GNAS: variants seen among roughly 807,000 people sequenced by gnomAD.
GNAS encodes the protein GNAS complex locus.
GNAS carries 8 observed loss-of-function variants against 54.5 expected under a neutral mutation model. The ratio of observed to expected loss-of-function variants is 0.15; its 90% CI spans 0.09 to 0.26. GNAS has a LOEUF of 0.26. GNAS is among the 10% of genes least tolerant of loss of function. The probability of loss-of-function intolerance (pLI) is 1.00; values close to 1 mark genes in which losing one functional copy is unlikely to be tolerated. For missense variants in GNAS, 170 were observed against 529.8 expected, an observed-to-expected ratio of 0.32 and a Z score of 6.67; for synonymous variants, 204 against 191.4, an observed-to-expected ratio of 1.07 and a Z score of -0.54.
chr20:58,841,243 C>A lies in GNAS; in HGVS notation c.43+357C>A. 1 of 931,360 alleles carries A rather than the reference C, an allele frequency of 1.1e-6. No individual in the cohort carries two copies. Among genetic ancestry groups the A allele is most frequent in the Non-Finnish European group, 1.4e-6 (1 of 739,414 alleles). 57.7% of individuals were successfully genotyped at this position (931,360 alleles called of 1,614,324 possible). ...ATTGGTAAGTCACTTGTTTTGCGCGCTTTTCTTCCTCCTAGAAAGACTAGT... is the reference window on the plus strand; with the variant it reads ...ATTGGTAAGTCACTTGTTTTGCGCGATTTTCTTCCTCCTAGAAAGACTAGT... On this transcript the variant is annotated intron_variant, in intron 1 of 12. Transcript: ENST00000306090. The surrounding 1 kb of genome is among the most constrained non-coding windows in gnomAD (Gnocchi z 5.0).
At chr20:58,844,444 T>C (rs1255730523) in intron 1 of GNAS, among the ~76,000 whole-genome samples, 2 of 152,282 alleles carry the variant, frequency 1.3e-5, no homozygotes, top group East Asian at 3.9e-4. Flanking sequence ...CTCTATTTCC[T>C]ATAACTTGAT....
intron 1 of GNAS, among the ~76,000 whole-genome samples, chr20:58,878,816 G>A (rs1462277216): frequency 6.6e-6 from 1 of 151,806 alleles, no homozygotes. Context: ...GGGAGATGCA[G>A]GAGCAGCATC....
chr20:58,900,182 A>G, intron 3 of GNAS: 1 of 574,674 alleles, frequency 1.7e-6, no homozygotes, highest in Non-Finnish European at 3.1e-6. Flanking sequence ...AACTATCCAA[A>G]AAGGCATCTC....
rs11554273 is a variant in GNAS, at chr20:58,909,365, C to T, written c.601C>T (p.Arg201Cys). 8 of 1,613,500 alleles carry T rather than the reference C, an allele frequency of 5.0e-6. No individual in the cohort carries two copies. Among genetic ancestry groups the T allele is most frequent in the Admixed American group, 1.7e-5 (1 of 59,996 alleles). The change falls in exon 8 of 13, where the codon CGT (arginine) becomes TGT (cysteine). Residue 201 changes from arginine (R) to cysteine (C), a missense_variant. By Grantham distance (180) the Arg-to-Cys change is radical (BLOSUM62 -3). This residue lies in a region of GNAS where 78 missense variants were observed against 251.1 expected (regional missense o/e 0.31). Coordinates refer to ENST00000371085, the MANE Select transcript of GNAS (RefSeq NM_000516.7). This position sits in a 1 kb window ranked among gnomAD's most constrained non-coding sequence, Gnocchi z 7.3. ...VPSDQDLLRC[R>C]VLTSGIFETK... The stretch of plus-strand genomic sequence containing the variant: ...TTTGTTTCAGGACCTGCTTCGCTGC[C>T]GTGTCCTGACTTCTGGAATCTTTGA...
At chr20:58,906,961 C>T (rs1456610502) in intron 6 of GNAS, among the ~76,000 whole-genome samples, 2 of 152,112 alleles carry the variant, frequency 1.3e-5, no homozygotes, top group Non-Finnish European at 2.9e-5. Flanking sequence ...GATGTTTTAG[C>T]CATCCTTATT....
intron 1 of GNAS, chr20:58,854,812 C>A: frequency 6.3e-7 from 1 of 1,588,182 alleles, no homozygotes; most frequent in Non-Finnish European, 8.5e-7. Flanking sequence ...GCGGCCTCTG[C>A]AGCCCCTGCC....
upstream of GNAS, among the ~76,000 whole-genome samples, chr20:58,887,598 G>C (rs947292715): frequency 2.6e-5 from 4 of 152,166 alleles, no homozygotes; most frequent in South Asian, 2.1e-4. Context: ...ATCAACCTAG[G>C]ATAGTTCCTT....
At position 58,859,362 on chromosome 20, in the gene GNAS, G is replaced by A. The variant is rs375194020; in HGVS notation, c.43+18476G>A. Among the ~76,000 whole-genome samples the A allele has an allele frequency of 3.3e-4, 50 of 152,194 alleles. 1 individual carries two copies. The East Asian group carries it at 8.7e-3, about 27-fold the overall frequency. ...ATTACAAGCGTGTGCCACCATGCCT[G>A]GCTAATTGTTTGTATTTTTAGTAGA... is the stretch of plus-strand genomic sequence containing the variant. On this transcript the variant is annotated intron_variant, in intron 1 of 12. Transcript: ENST00000306090.
upstream of GNAS, among the ~76,000 whole-genome samples, chr20:58,890,479 T>C (rs2089082920): frequency 6.6e-6 from 1 of 151,398 alleles, no homozygotes; most frequent in African/African-American, 2.4e-5. Flanking sequence ...CACCTGCCCC[T>C]CGTGGTGTTC....
chr20:58,910,141 AGG>A lies in GNAS; in HGVS notation c.970+61_970+62del. On this transcript the variant is annotated intron_variant, in intron 11 of 12. Coordinates refer to ENST00000371085, the MANE Select transcript of GNAS (RefSeq NM_000516.7). The surrounding 1 kb of genome is among the most constrained non-coding windows in gnomAD (Gnocchi z 5.8). ...TGCGGTGGTTCTTTTTCAAACGGTC[AGG>A]CTGAAAACCCCCATCCCCCTCCCAC... The A allele has an allele frequency of 6.4e-7, 1 of 1,573,670 alleles. No homozygotes were observed. Among genetic ancestry groups the A allele is most frequent in the South Asian group, 1.1e-5 (1 of 90,122 alleles).
chr20:58,882,463 T>C (rs2088300165), intron 1 of GNAS, among the ~76,000 whole-genome samples: 1 of 152,218 alleles, frequency 6.6e-6, no homozygotes, highest in Non-Finnish European at 1.5e-5. Flanking sequence ...GGCCCTTTCC[T>C]GGCTGGCTCC....
intron 3 of GNAS, chr20:58,899,865 C>T (rs1016145711): frequency 4.2e-6 from 3 of 709,892 alleles, no homozygotes; most frequent in South Asian, 3.0e-5. Context: ...GAAACAGCTT[C>T]TGTGGCCGGG....
intron 2 of GNAS, 67 bp from the exon 3 acceptor site, chr20:58,898,874 T>G (rs896125992): frequency 1.6e-6 from 2 of 1,277,824 alleles, no homozygotes. Flanking sequence ...GTAGAGAGAC[T>G]GTGTGGGGTT....
At chr20:58,888,985 G>A (rs1189100305), upstream of GNAS, 178 of 836,612 alleles carry the variant, frequency 2.1e-4, no homozygotes, top group Non-Finnish European at 2.5e-4. Context: ...CGCGCCCCCG[G>A]CCCACGCCCG....
rs774537314 is a variant in GNAS at position 58,911,115 on chromosome 20, AAAAG to A, written c.*290_*293del. The A allele has an allele frequency of 1.9e-4, 108 of 570,360 alleles. No individual in the cohort carries two copies. The highest frequency in any genetic ancestry group is 2.8e-4 in the Non-Finnish European group (88 of 310,134). 35.3% of individuals were successfully genotyped at this position (570,360 alleles called of 1,614,324 possible). ...CAGCAGCAAACAAATAAAATGAAAT[AAAAG>A]AAACAAATGAAATAAATATTGTGTT... On this transcript the variant is annotated 3_prime_UTR_variant, in exon 13 of 13. Coordinates refer to ENST00000371085, the MANE Select transcript of GNAS (RefSeq NM_000516.7).
In GNAS at chr20:58,891,478, C is replaced by T; in HGVS notation, c.-249C>T. 1 of 937,672 alleles carries T rather than the reference C, an allele frequency of 1.1e-6. No homozygotes were observed. Among genetic ancestry groups the T allele is most frequent in the Non-Finnish European group, 1.3e-6 (1 of 788,628 alleles). 58.1% of individuals were successfully genotyped at this position (937,672 alleles called of 1,614,324 possible). Reference sequence around the variant, plus strand: ...TCGGCCCGGCGGCGGCCATCAGCCCCCTCGGCCTCGGCTCGAGGGGCGGGG... The same window carrying T: ...TCGGCCCGGCGGCGGCCATCAGCCCTCTCGGCCTCGGCTCGAGGGGCGGGG... On this transcript the variant is annotated 5_prime_UTR_variant, in exon 1 of 13. Coordinates refer to ENST00000371085, the MANE Select transcript of GNAS (RefSeq NM_000516.7).
chr20:58,905,016 T>C (rs368771013), intron 5 of GNAS, among the ~76,000 whole-genome samples: 2 of 152,220 alleles, frequency 1.3e-5, no homozygotes, highest in East Asian at 3.8e-4. Context: ...AAGTTTCTTA[T>C]TTTCACAACA....
chr20:58,903,087 A>G, intron 3 of GNAS: 2 of 336,290 alleles, frequency 5.9e-6, no homozygotes, highest in Non-Finnish European at 1.2e-5. Context: ...TGGTTCTCTC[A>G]GTATGCTAGC....
At chr20:58,868,689 G>C (rs1262509879) in intron 1 of GNAS, among the ~76,000 whole-genome samples, 2 of 152,132 alleles carry the variant, frequency 1.3e-5, no homozygotes, top group African/African-American at 4.8e-5. Flanking sequence ...AGGAGTTCTC[G>C]AATTTCTTTC....
Sources: gnomAD v4.1 joint callset for allele counts (sites outside exome capture counted in the v4.1 genomes callset) on GRCh38, gnomAD v4.1.1 for gene constraint, gnomAD v4.1.1 regional missense constraint, Gnocchi (gnomAD v3.1) non-coding constraint, MANE v1.5 for transcripts, NCBI Gene and HGNC (gene_info 2026-07-23, HGNC 2026-07-21) for gene names.